Variants in BTBD7 observed in about 807,000 individuals in gnomAD.
BTBD7 encodes the protein BTB domain containing 7, also known as BTB/POZ domain-containing protein 7.
A neutral mutation model predicts 99.9 loss-of-function variants in BTBD7; 38 were observed. That is an observed-to-expected ratio of 0.38 (90% confidence interval 0.29 to 0.50). The LOEUF (loss-of-function observed/expected upper bound fraction) is 0.50. Ranked by LOEUF, BTBD7 falls within the 20% of genes least tolerant of loss-of-function variation. The pLI is 0.93. For missense variants in BTBD7, 1,170 were observed against 1,394.6 expected (o/e 0.84, Z 2.57); for synonymous variants, 520 against 511.4 (o/e 1.02, Z -0.23).
chr14:93,296,789 C>T (rs990276348), intron 1 of BTBD7, among the ~76,000 whole-genome samples: 5 of 152,026 alleles, frequency 3.3e-5, no homozygotes, highest in African/African-American at 7.2e-5. Context: ...TTTTATCTAT[C>T]CACCCCATAA....
At chr14:93,260,613 G>A (rs2052476383) in intron 5 of BTBD7, among the ~76,000 whole-genome samples, 1 of 151,662 alleles carries the variant, frequency 6.6e-6, no homozygotes, top group African/African-American at 2.4e-5. Flanking sequence ...GAATGCAATG[G>A]CCCCATCTCG....
chr14:93,243,406 G>A (rs2139671258), intron 10 of BTBD7, among the ~76,000 whole-genome samples: 1 of 152,208 alleles, frequency 6.6e-6, no homozygotes, highest in South Asian at 2.1e-4. Context: ...TGTTAGCCAG[G>A]ATGGTCTCGA....
chr14:93,257,248 A>C lies in BTBD7; in HGVS notation c.1555T>G (p.Phe519Val). The C allele has an allele frequency of 6.2e-7, 1 of 1,614,166 alleles. No homozygotes were observed. Among genetic ancestry groups the C allele is most frequent in the Non-Finnish European group, 8.5e-7 (1 of 1,180,000 alleles). The change falls in exon 6 of 11, where the codon TTT (phenylalanine) becomes GTT (valine). Residue 519 changes from phenylalanine to valine, a missense_variant. Phe to Val is a conservative substitution (Grantham distance 50, BLOSUM62 -1). Transcript: ENST00000334746. ...GGTAAGATGTGTTCAATTCGCACAA[A>C]AGGTAAGAGAGAAGAAAGGATCTCT... ...LREILSSLLP[F>V]VRIEHILPIN...
chr14:93,284,544 T>A (rs990526421), intron 3 of BTBD7, among the ~76,000 whole-genome samples: 9 of 152,014 alleles, frequency 5.9e-5, no homozygotes, highest in African/African-American at 2.2e-4. Context: ...ATACTAAGAA[T>A]AAAGCAGTGT....
intron 3 of BTBD7, among the ~76,000 whole-genome samples, chr14:93,268,238 G>A: frequency 6.6e-6 from 1 of 152,136 alleles, no homozygotes; most frequent in African/African-American, 2.4e-5. Flanking sequence ...TCTTTTAAGA[G>A]CCTACTTTGA....
intron 3 of BTBD7, among the ~76,000 whole-genome samples, chr14:93,281,166 CTTT>C (rs566864647): frequency 2.2e-5 from 3 of 138,082 alleles, no homozygotes; most frequent in East Asian, 2.1e-4. Context: ...ATGCCTGGCT[CTTT>C]TTTTTTTTTT....
At chr14:93,313,249 AAT>A (rs2053158885) in intron 1 of BTBD7, among the ~76,000 whole-genome samples, 1 of 152,238 alleles carries the variant, frequency 6.6e-6, no homozygotes, top group Non-Finnish European at 1.5e-5. Flanking sequence ...TGTAGTTAAA[AAT>A]AGTCTTTTCC....
chr14:93,267,266 T>C (rs1427078078), intron 3 of BTBD7, among the ~76,000 whole-genome samples: 1 of 152,132 alleles, frequency 6.6e-6, no homozygotes, highest in African/African-American at 2.4e-5. Flanking sequence ...GGAAAAAAAA[T>C]GGGCTTTAAA....
chr14:93,332,686 C>T (rs942207853), intron 1 of BTBD7, 134 bp downstream of exon 1: 24 of 1,272,874 alleles, frequency 1.9e-5, no homozygotes, highest in Non-Finnish European at 2.4e-5. Flanking sequence ...GGCGCCCCAG[C>T]GCCTCCCGCG....
chr14:93,300,782 A>T (rs796836539), intron 1 of BTBD7, among the ~76,000 whole-genome samples: 1,711 of 63,700 alleles, frequency 0.027, 122 homozygotes, highest in African/African-American at 0.045. Flanking sequence ...GTATATATAT[A>T]TATATTTTTT....
At chr14:93,245,396 A>G (rs1410021387) in intron 10 of BTBD7, among the ~76,000 whole-genome samples, 1 of 152,202 alleles carries the variant, frequency 6.6e-6, no homozygotes, top group Non-Finnish European at 1.5e-5. Context: ...TCCTGACGGT[A>G]TACTGTACTT....
At chr14:93,292,735 CAGCCCTG>C (rs939058837) in intron 3 of BTBD7, among the ~76,000 whole-genome samples, 11 of 152,108 alleles carry the variant, frequency 7.2e-5, no homozygotes, top group African/African-American at 2.4e-4. Context: ...CAGCTCACTG[CAGCCCTG>C]AACTCCTGAC....
At chr14:93,278,819 G>A (rs1232758494) in intron 3 of BTBD7, among the ~76,000 whole-genome samples, 3 of 152,128 alleles carry the variant, frequency 2.0e-5, no homozygotes, top group East Asian at 1.9e-4. Context: ...TCTTGGCCAC[G>A]CATAGTGGCT....
At chr14:93,281,391 C>G (rs1160007917) in intron 3 of BTBD7, among the ~76,000 whole-genome samples, 1 of 152,174 alleles carries the variant, frequency 6.6e-6, no homozygotes, top group Non-Finnish European at 1.5e-5. Context: ...CCCGCCTCAG[C>G]CTCCCAAACT....
chr14:93,294,494 C>G lies in BTBD7; in HGVS notation c.526G>C (p.Glu176Gln), dbSNP rs765122820. 2.5e-6 allele frequency: 4 copies of G among 1,614,124 alleles called. No individual in the cohort carries two copies. The East Asian group carries it at 6.7e-5, about 27-fold the overall frequency. ...FFKTLLSSSP[E>Q]YGAEIIMDIN... is the part of the protein sequence containing the mutation. ...TCCATTATTATCTCTGCCCCATACT[C>G]TGGTGAGGAAGAAAGCAGTGTTTTA... Residue 176 changes from glutamate (E) to glutamine (Q), a missense_variant, in exon 3 of 11, where the codon GAG becomes CAG. Physicochemically the swap from Glu to Gln is conservative, Grantham distance 29. Around this residue, in one of 4 missense-constraint regions of BTBD7, gnomAD observed 359 missense variants for 497.9 expected, o/e 0.72. Transcript: ENST00000334746.
At chr14:93,291,351 G>A (rs1194171498) in intron 3 of BTBD7, among the ~76,000 whole-genome samples, 5 of 152,032 alleles carry the variant, frequency 3.3e-5, no homozygotes, top group African/African-American at 4.8e-5. Flanking sequence ...GAAAAGAGGG[G>A]CTTAGGCTAT....
At chr14:93,283,453 T>C (rs1398943627) in intron 3 of BTBD7, among the ~76,000 whole-genome samples, 1 of 152,246 alleles carries the variant, frequency 6.6e-6, no homozygotes, top group Admixed American at 6.5e-5. Context: ...GTGCATATTT[T>C]AGAGATATCA....
intron 8 of BTBD7, among the ~76,000 whole-genome samples, chr14:93,250,228 A>C (rs993836919): frequency 1.3e-5 from 2 of 152,168 alleles, no homozygotes; most frequent in Non-Finnish European, 2.9e-5. Flanking sequence ...CATTAGCTAA[A>C]CAATAGAGAG....
At chr14:93,325,106 A>ATTTTTTTTTTTTTTTTTTTTTTTTT (rs34523849) in intron 1 of BTBD7, among the ~76,000 whole-genome samples, 2 of 105,574 alleles carry the variant, frequency 1.9e-5, no homozygotes. Context: ...GCATGCTCCA[A>ATTTTTTTTTTTTTTTTTTTTTTTTT]TTTTTTTTTT....
Sources: gnomAD v4.1 joint callset for allele counts (sites outside exome capture counted in the v4.1 genomes callset) on GRCh38, gnomAD v4.1.1 for gene constraint, gnomAD v4.1.1 regional missense constraint, MANE v1.5 for transcripts, NCBI Gene and HGNC (gene_info 2026-07-23, HGNC 2026-07-21) for gene names.